Variants in MACROD2 observed in about 807,000 individuals in gnomAD.
MACROD2 encodes ADP-ribose glycohydrolase MACROD2.
In MACROD2, 36 loss-of-function variants were observed where a neutral mutation model predicts 70.4. That is an observed-to-expected ratio of 0.51 (90% confidence interval 0.39 to 0.68). The LOEUF (loss-of-function observed/expected upper bound fraction) is 0.68, where lower values mean the gene tolerates loss of function less well. MACROD2 is among the 30% of genes least tolerant of loss of function. MACROD2 has a pLI of 0.00. For synonymous variants in MACROD2, 172 were observed against 178.8 expected (o/e 0.96, Z 0.30); for missense variants, 496 against 538.4 (o/e 0.92, Z 0.78).
At chr20:15,806,107 A>G (rs544754726) in intron 8 of MACROD2, among the ~76,000 whole-genome samples, 42 of 152,300 alleles carry the variant, frequency 2.8e-4, no homozygotes, top group Non-Finnish European at 5.3e-4. Context: ...CAGCCTTCCA[A>G]TACATATAAA....
Position 15,731,957 on chromosome 20 carries a change from T to A in MACROD2, c.646-130788T>A. 3.3e-5 allele frequency among the ~76,000 whole-genome samples: 2 copies of A among 59,702 alleles called. 1 individual carries two copies. The highest frequency in any genetic ancestry group is 9.6e-5 in the Non-Finnish European group (2 of 20,878). 39.2% of individuals were successfully genotyped at this position (59,702 alleles called of 152,430 possible). ...TTTTAGTAGAGACGGGGTTTCACCA[T>A]GTTGGCCAGGCTGGTCTTGAACTCC... On this transcript the variant is annotated intron_variant, in intron 8 of 17. Coordinates refer to ENST00000684519, the MANE Select transcript of MACROD2 (RefSeq NM_001351661.2).
chr20:14,220,648 G>A (rs1324442053), intron 3 of MACROD2, among the ~76,000 whole-genome samples: 2 of 152,174 alleles, frequency 1.3e-5, no homozygotes, highest in Non-Finnish European at 2.9e-5. Context: ...TCCCTGGGGT[G>A]CCAGGCAGGA....
intron 5 of MACROD2, among the ~76,000 whole-genome samples, chr20:15,153,289 A>G (rs1384699651): frequency 6.6e-6 from 1 of 151,936 alleles, no homozygotes; most frequent in Non-Finnish European, 1.5e-5. Flanking sequence ...ATTTTATAGG[A>G]TTTGGGTAGG....
At chr20:14,341,334 A>C (rs1482626534) in intron 3 of MACROD2, among the ~76,000 whole-genome samples, 1 of 152,194 alleles carries the variant, frequency 6.6e-6, no homozygotes, top group Admixed American at 6.5e-5. Flanking sequence ...AAATCTTCAA[A>C]ATTGTGTAAA....
At chr20:15,393,830 C>A (rs1307617674) in intron 6 of MACROD2, among the ~76,000 whole-genome samples, 1 of 152,178 alleles carries the variant, frequency 6.6e-6, no homozygotes, top group African/African-American at 2.4e-5. Context: ...CTCTCTCTCT[C>A]TGAGCATTGG....
chr20:15,777,811 A>T (rs2051758332), intron 8 of MACROD2, among the ~76,000 whole-genome samples: 1 of 151,912 alleles, frequency 6.6e-6, no homozygotes, highest in Non-Finnish European at 1.5e-5. Context: ...CACATGGCTA[A>T]TTTTTGTATT....
At chr20:15,397,198 A>C (rs534756394) in intron 6 of MACROD2, among the ~76,000 whole-genome samples, 2 of 152,338 alleles carry the variant, frequency 1.3e-5, no homozygotes, top group East Asian at 3.9e-4. Context: ...AGTAGCCACA[A>C]TTATACAAAA....
chr20:14,255,706 TAAATAAATAAATAAATAAAA>T lies in MACROD2; in HGVS notation c.271+169981_271+170000del, dbSNP rs1314621520. 2.1e-3 allele frequency among the ~76,000 whole-genome samples: 208 copies of T among 100,368 alleles called. 2 individuals are homozygous for T. Among genetic ancestry groups the T allele is most frequent in the Middle Eastern group, 5.4e-3 (1 of 184 alleles). 65.8% of individuals were successfully genotyped at this position (100,368 alleles called of 152,430 possible). ...TATAATAAATAAATAAATAAATAAA[TAAATAAATAAATAAATAAAA>T]AAGAAAATGTCATTCCATTGTCTTC... is the stretch of plus-strand genomic sequence containing the variant. On this transcript the variant is annotated intron_variant, in intron 3 of 17. Coordinates refer to ENST00000684519, the MANE Select transcript of MACROD2 (RefSeq NM_001351661.2).
chr20:15,817,973 C>T (rs75553444), intron 8 of MACROD2, among the ~76,000 whole-genome samples: 2,437 of 152,224 alleles, frequency 0.016, 32 homozygotes, highest in East Asian at 0.051. Flanking sequence ...TCTTTTTCCT[C>T]GAGGATTTTC....
intron 2 of MACROD2, among the ~76,000 whole-genome samples, chr20:14,085,099 G>A (rs1367423218): frequency 6.6e-6 from 1 of 151,126 alleles, no homozygotes; most frequent in Non-Finnish European, 1.5e-5. Context: ...GAAGACAGGG[G>A]TTGCAGTGAG....
rs144381140 is a variant in MACROD2, at chr20:15,104,024, G to C, written c.419-125916G>C. 2.8e-3 allele frequency among the ~76,000 whole-genome samples: 419 copies of C among 152,250 alleles called. 4 individuals carry two copies. Among genetic ancestry groups the C allele is most frequent in the African/African-American group, 9.3e-3 (387 of 41,558 alleles). On this transcript the variant is annotated intron_variant, in intron 5 of 17. Coordinates refer to ENST00000684519, the MANE Select transcript of MACROD2 (RefSeq NM_001351661.2). ...GGCTATCACACAAGTGATGGTGATG[G>C]CTTTTTCTAGGGTTGGGACAGTGGA...
At position 14,002,372 on chromosome 20, in the gene MACROD2, A is replaced by G; in HGVS notation, c.131A>G (p.Lys44Arg). 1 of 1,607,102 alleles carries G rather than the reference A, an allele frequency of 6.2e-7. No individual in the cohort carries two copies. Among genetic ancestry groups the G allele is most frequent in the African/African-American group, 1.3e-5 (1 of 74,722 alleles). Reference sequence around the variant, plus strand: ...CCCCTGAACAGCATTCTATCATGGAAGGAGGAGATGAAGGGCAAGGGCCAA... The same window carrying G: ...CCCCTGAACAGCATTCTATCATGGAGGGAGGAGATGAAGGGCAAGGGCCAA... ...YIPLNSILSWKEEMKGKGQND... is the reference protein window; with the variant it reads ...YIPLNSILSWREEMKGKGQND... Residue 44 changes from lysine to arginine, a missense_variant, in exon 2 of 18, where the codon AAG becomes AGG. Physicochemically the swap from Lys to Arg is conservative, Grantham distance 26. Transcript: ENST00000684519.
chr20:14,024,531 AT>A (rs2053131625), intron 2 of MACROD2, among the ~76,000 whole-genome samples: 1 of 152,216 alleles, frequency 6.6e-6, no homozygotes, highest in Non-Finnish European at 1.5e-5. Context: ...TTTGTCATAA[AT>A]AGCTCTTACT....
intron 8 of MACROD2, among the ~76,000 whole-genome samples, chr20:15,734,283 A>G (rs2050988495): frequency 1.3e-5 from 2 of 152,198 alleles, no homozygotes; most frequent in Non-Finnish European, 2.9e-5. Flanking sequence ...GATTTCATGC[A>G]GAGTCAGCAA....
chr20:14,828,856 G>A (rs960010238), intron 5 of MACROD2, among the ~76,000 whole-genome samples: 10 of 151,506 alleles, frequency 6.6e-5, no homozygotes, highest in Admixed American at 2.0e-4. Context: ...CTGTTTTATT[G>A]TTGGACCAAA....
At chr20:14,365,146 A>G (rs1191070913) in intron 3 of MACROD2, among the ~76,000 whole-genome samples, 1 of 151,986 alleles carries the variant, frequency 6.6e-6, no homozygotes, top group Non-Finnish European at 1.5e-5. Context: ...TAATCTCTTT[A>G]CTTGTGAGAG....
chr20:14,327,998 A>G (rs2082766518), intron 3 of MACROD2, among the ~76,000 whole-genome samples: 1 of 152,038 alleles, frequency 6.6e-6, no homozygotes, highest in South Asian at 2.1e-4. Flanking sequence ...AAAAAACCAC[A>G]CATTTTTATA....
chr20:14,139,768 C>T (rs2054845085), intron 3 of MACROD2, among the ~76,000 whole-genome samples: 1 of 152,114 alleles, frequency 6.6e-6, no homozygotes, highest in Non-Finnish European at 1.5e-5. Flanking sequence ...ATTGAATATT[C>T]CCAATCCAAA....
chr20:14,717,220 T>C (rs1389530212), intron 5 of MACROD2, among the ~76,000 whole-genome samples: 2 of 152,174 alleles, frequency 1.3e-5, no homozygotes, highest in African/African-American at 4.8e-5. Flanking sequence ...CACTATACTA[T>C]ATTTTCTATA....
Sources: gnomAD v4.1 joint callset for allele counts (sites outside exome capture counted in the v4.1 genomes callset) on GRCh38, gnomAD v4.1.1 for gene constraint, MANE v1.5 for transcripts, NCBI Gene and HGNC (gene_info 2026-07-23, HGNC 2026-07-21) for gene names.